SAMD9: variants seen among roughly 807,000 people sequenced by gnomAD.
The protein encoded by SAMD9 is sterile alpha motif domain-containing protein 9.
In SAMD9, 3 loss-of-function variants were observed where a neutral mutation model predicts 1.5. The observed-to-expected ratio is 2.05, with a 90% CI of 0.93 to 5.29. The LOEUF (loss-of-function observed/expected upper bound fraction) is 5.29. Ranked by LOEUF, SAMD9 falls within the 30% of genes most tolerant of loss-of-function variation. The pLI is 0.02. For synonymous variants in SAMD9, 635 were observed against 631.9 expected (o/e 1.00, Z -0.07); for missense variants, 1,597 against 1,820.8 (o/e 0.88, Z 2.24).
In SAMD9 at chr7:93,102,930, T is replaced by G; in HGVS notation, c.3168A>C (p.Glu1056Asp). The change falls in exon 3 of 3, where the codon GAA becomes GAC. Residue 1056 changes from glutamate (E) to aspartate (D), a missense_variant. Glu to Asp is a conservative substitution (Grantham distance 45, BLOSUM62 2). This residue lies in a region of SAMD9 where 682 missense variants were observed against 810.0 expected (regional missense o/e 0.84). Transcript: ENST00000379958. ...ETGNWFSPFI[E>D]ALHKDEGNEA... ...CATTTCCTTCATCTTTATGTAATGC[T>G]TCAATAAATGGGGAAAACCAATTTC... 6.2e-7 allele frequency: 1 copy of G among 1,613,932 alleles called. No individual in the cohort carries two copies. The highest frequency in any genetic ancestry group is 8.5e-7 in the Non-Finnish European group (1 of 1,179,844).
chr7:93,101,241 A>C lies in SAMD9; in HGVS notation c.*87T>G. 2.0e-6 allele frequency: 2 copies of C among 1,006,776 alleles called. No homozygotes were observed. Among genetic ancestry groups the C allele is most frequent in the Non-Finnish European group, 3.1e-6 (2 of 638,638 alleles). The allele number at this position is 1,006,776 out of a possible 1,614,324, so 62.4% of individuals were successfully genotyped here. On this transcript the variant is annotated 3_prime_UTR_variant, in exon 3 of 3. Transcript: ENST00000379958. ...TGAAGAGCTAGAGGCTGTATCTATA[A>C]CCTTGCCGGTTTAAAGCATAGATCT...
At position 93,105,016 on chromosome 7, in the gene SAMD9, G is replaced by A. The variant is rs1284159862; in HGVS notation, c.1082C>T (p.Ala361Val). The stretch of plus-strand genomic sequence containing the variant: ...CAGTGTTTTAAAATCTGCTTTAAAT[G>A]CTCTGAAATCAACTTTATTTTTCGT... ...DITKNKVDFRAFKADFKTLAE... is the reference protein window; with the variant it reads ...DITKNKVDFRVFKADFKTLAE... The change falls in exon 3 of 3, where the codon GCA (alanine) becomes GTA (valine). Residue 361 changes from alanine to valine, a missense_variant. Transcript: ENST00000379958. 1.2e-6 allele frequency: 2 copies of A among 1,613,578 alleles called. No individual in the cohort carries two copies. The highest frequency in any genetic ancestry group is 1.7e-5 in the Admixed American group (1 of 59,984).
rs1791561765 is a variant in SAMD9 at position 93,102,938 on chromosome 7, A to T, written c.3160T>A (p.Phe1054Ile). 6.2e-7 allele frequency: 1 copy of T among 1,613,810 alleles called. No homozygotes were observed. The highest frequency in any genetic ancestry group is 1.7e-5 in the Admixed American group (1 of 59,966). Reference protein sequence around the residue: ...EGETGNWFSPFIEALHKDEGN... With the variant: ...EGETGNWFSPIIEALHKDEGN... The stretch of plus-strand genomic sequence containing the variant: ...TCATCTTTATGTAATGCTTCAATAA[A>T]TGGGGAAAACCAATTTCCTGTTTCA... The change falls in exon 3 of 3, where the codon TTT becomes ATT. Residue 1054 changes from phenylalanine (F) to isoleucine (I), a missense_variant. Coordinates refer to ENST00000379958, the MANE Select transcript of SAMD9 (RefSeq NM_017654.4).
rs765018539 is a variant in SAMD9, at chr7:93,102,163, T to G, written c.3935A>C (p.Glu1312Ala). The G allele has an allele frequency of 9.3e-6, 15 of 1,613,638 alleles. No homozygotes were observed. The South Asian group carries it at 1.6e-4, about 18-fold the overall frequency. The stretch of plus-strand genomic sequence containing the variant: ...TCCAAGACCTGTGTTGTTTTGTGAT[T>G]CTTCTAAGAGACAAAATATATCTAC... ...KYVDIFCLLE[E>A]SQNNTGLGSK... The change falls in exon 3 of 3, where the codon GAA becomes GCA. Residue 1312 changes from glutamate to alanine, a missense_variant. By Grantham distance (107) the Glu-to-Ala change is moderately radical. Transcript: ENST00000379958.
chr7:93,115,245 A>G lies in SAMD9; in HGVS notation c.-109-350T>C, dbSNP rs148866935. Among the ~76,000 whole-genome samples, 682 of 152,362 alleles carry G rather than the reference A, an allele frequency of 4.5e-3. 5 individuals carry two copies. Among genetic ancestry groups the G allele is most frequent in the African/African-American group, 0.016 (648 of 41,582 alleles). On this transcript the variant is annotated intron_variant, in intron 1 of 2. Transcript: ENST00000379958. ...CTGTTAATGCCAAATGTTGGTGATGATGTGGAGTCAGTGGAGCTCTCATAT... is the reference window on the plus strand; with the variant it reads ...CTGTTAATGCCAAATGTTGGTGATGGTGTGGAGTCAGTGGAGCTCTCATAT...
In SAMD9 at chr7:93,105,108, G is replaced by T; in HGVS notation, c.990C>A (p.Asn330Lys). ...YFQIKMQNYN[N>K]KIWEQSKKFS... ...ATTTTTTACTTTGTTCCCATATTTT[G>T]TTGTTGTAATTTTGCATTTTAATCT... Residue 330 changes from asparagine to lysine, a missense_variant, in exon 3 of 3, where the codon AAC becomes AAA. Transcript: ENST00000379958. The T allele has an allele frequency of 2.5e-6, 4 of 1,613,732 alleles. No homozygotes were observed. The highest frequency in any genetic ancestry group is 3.4e-6 in the Non-Finnish European group (4 of 1,179,868).
chr7:93,100,564 C>T lies in SAMD9; in HGVS notation c.*764G>A, dbSNP rs1791510414. 1 of 152,044 alleles carries T rather than the reference C, an allele frequency of 6.6e-6. No homozygotes were observed. Among genetic ancestry groups the T allele is most frequent in the African/African-American group, 2.4e-5 (1 of 41,410 alleles). 9.4% of individuals were successfully genotyped at this position (152,044 alleles called of 1,614,324 possible). On this transcript the variant is annotated 3_prime_UTR_variant, in exon 3 of 3. Coordinates refer to ENST00000379958, the MANE Select transcript of SAMD9 (RefSeq NM_017654.4). ...AAACATAGGTTGTATGTTAATCTGC[C>T]AGTACATTGGCATCTTCTGGATGAG...
intron 2 of SAMD9, among the ~76,000 whole-genome samples, chr7:93,114,384 C>G (rs180979250): frequency 1.3e-5 from 2 of 152,110 alleles, no homozygotes; most frequent in African/African-American, 4.8e-5. Context: ...ACCAACATGG[C>G]ACATGTATAC....
rs1205814000 is a variant in SAMD9, at chr7:93,111,219, C to T, written c.-9+3576G>A. ...TCCTGAATGACTACTGGGTACATAACGAAATGAAGGCAGAAATAAAGATGT... is the reference window on the plus strand; with the variant it reads ...TCCTGAATGACTACTGGGTACATAATGAAATGAAGGCAGAAATAAAGATGT... On this transcript the variant is annotated intron_variant, in intron 2 of 2. Coordinates refer to ENST00000379958, the MANE Select transcript of SAMD9 (RefSeq NM_017654.4). 1.4e-4 allele frequency among the ~76,000 whole-genome samples: 22 copies of T among 152,122 alleles called. No homozygotes were observed. The East Asian group carries it at 2.7e-3, about 19-fold the overall frequency.
Position 93,101,620 on chromosome 7 carries a change from A to G in SAMD9, c.4478T>C (p.Val1493Ala). The G allele has an allele frequency of 1.2e-6, 2 of 1,613,908 alleles. No individual in the cohort carries two copies. The highest frequency in any genetic ancestry group is 1.7e-6 in the Non-Finnish European group (2 of 1,179,836). Reference protein sequence around the residue: ...LGKGKRLERLVHKGKIDQCFK... With the variant: ...LGKGKRLERLAHKGKIDQCFK... ...GCACTGGTCAATTTTTCCTTTGTGA[A>G]CAAGTCTTTCCAGTCTTTTACCTTT... The change falls in exon 3 of 3, where the codon GTT (valine) becomes GCT (alanine). Residue 1493 changes from valine to alanine, a missense_variant. By Grantham distance (64) the Val-to-Ala change is moderately conservative. Transcript: ENST00000379958.
At chr7:93,115,562 A>G (rs1456341903) in intron 1 of SAMD9, among the ~76,000 whole-genome samples, 4 of 152,212 alleles carry the variant, frequency 2.6e-5, no homozygotes, top group Admixed American at 2.6e-4. Context: ...GGTGATGGAA[A>G]TATTTTATAT....
Position 93,112,492 on chromosome 7 carries a change from G to T in SAMD9, c.-9+2303C>A, listed in dbSNP as rs957936173. Among the ~76,000 whole-genome samples the T allele has an allele frequency of 2.0e-5, 3 of 152,138 alleles. 1 individual carries two copies. Among genetic ancestry groups the T allele is most frequent in the South Asian group, 4.1e-4 (2 of 4,832 alleles). On this transcript the variant is annotated intron_variant, in intron 2 of 2. Transcript: ENST00000379958. ...AGGATAAAGAAATAAAGAGTATTCA[G>T]TTAGGAAAAGAGGAAGTCAAATTGT...
rs1791602116 is a variant in SAMD9, at chr7:93,104,783, C to T, written c.1315G>A (p.Val439Ile). 2 of 1,613,714 alleles carry T rather than the reference C, an allele frequency of 1.2e-6. No individual in the cohort carries two copies. Among genetic ancestry groups the T allele is most frequent in the Non-Finnish European group, 1.7e-6 (2 of 1,179,876 alleles). ...DFLKEIKWFA[V>I]LEFDPESNIN... Reference sequence around the variant, plus strand: ...TTAGACTCAGGATCAAACTCCAATACAGCAAACCATTTAATTTCCTTCAGG... The same window carrying T: ...TTAGACTCAGGATCAAACTCCAATATAGCAAACCATTTAATTTCCTTCAGG... Residue 439 changes from valine (V) to isoleucine (I), a missense_variant, in exon 3 of 3, where the codon GTA becomes ATA. Physicochemically the swap from Val to Ile is conservative, Grantham distance 29. Coordinates refer to ENST00000379958, the MANE Select transcript of SAMD9 (RefSeq NM_017654.4).
chr7:93,111,497 A>C (rs1225923482), intron 2 of SAMD9, among the ~76,000 whole-genome samples: 1 of 152,026 alleles, frequency 6.6e-6, no homozygotes, highest in Non-Finnish European at 1.5e-5. Flanking sequence ...AAAACCCTTC[A>C]AAAAAATCAA....
chr7:93,106,017 C>A lies in SAMD9; in HGVS notation c.81G>T (p.Lys27Asn). 1 of 1,594,576 alleles carries A rather than the reference C, an allele frequency of 6.3e-7. No individual in the cohort carries two copies. Among genetic ancestry groups the A allele is most frequent in the Middle Eastern group, 1.7e-4 (1 of 5,932 alleles). The change falls in exon 3 of 3, where the codon AAG becomes AAT. Residue 27 changes from lysine (K) to asparagine (N), a missense_variant. This residue lies in a region of SAMD9 where 498 missense variants were observed against 457.4 expected (regional missense o/e 1.09). Transcript: ENST00000379958. The stretch of plus-strand genomic sequence containing the variant: ...AAATTTCCCTGTGTTTTTGGTCAAT[C>A]TTATGACTTTCTAACCACTGATTTA... The part of the protein sequence containing the change: ...EDVNQWLESH[K>N]IDQKHREILT...
rs148617088 is a variant in SAMD9, at chr7:93,106,001, T to C, written c.97A>G (p.Arg33Gly). 17 of 1,592,610 alleles carry C rather than the reference T, an allele frequency of 1.1e-5. No individual in the cohort carries two copies. In the East Asian group the frequency reaches 3.6e-4, roughly 34 times the overall value. Residue 33 changes from arginine to glycine, a missense_variant, in exon 3 of 3, where the codon AGG becomes GGG. Arg to Gly is a moderately radical substitution (Grantham distance 125). Around this residue, in one of 6 missense-constraint regions of SAMD9, gnomAD observed 498 missense variants for 457.4 expected, o/e 1.09. Coordinates refer to ENST00000379958, the MANE Select transcript of SAMD9 (RefSeq NM_017654.4). Reference protein sequence around the residue: ...LESHKIDQKHREILTEQDVNG... With the variant: ...LESHKIDQKHGEILTEQDVNG... ...ACGTCTTGTTCAGTCAAAATTTCCC[T>C]GTGTTTTTGGTCAATCTTATGACTT... is the stretch of plus-strand genomic sequence containing the variant.
intron 2 of SAMD9, among the ~76,000 whole-genome samples, chr7:93,109,897 A>C (rs1562778011): frequency 6.6e-6 from 1 of 152,242 alleles, no homozygotes; most frequent in Non-Finnish European, 1.5e-5. Flanking sequence ...GATATTATCC[A>C]GGAGAACTTC....
rs534555102 is a variant in SAMD9 at position 93,106,009 on chromosome 7, T to C, written c.89A>G (p.Gln30Arg). The change falls in exon 3 of 3, where the codon CAA becomes CGA. Residue 30 changes from glutamine to arginine, a missense_variant. By Grantham distance (43) the Gln-to-Arg change is conservative. Around this residue, in one of 6 missense-constraint regions of SAMD9, gnomAD observed 498 missense variants for 457.4 expected, o/e 1.09. Coordinates refer to ENST00000379958, the MANE Select transcript of SAMD9 (RefSeq NM_017654.4). ...TTCAGTCAAAATTTCCCTGTGTTTT[T>C]GGTCAATCTTATGACTTTCTAACCA... ...NQWLESHKID[Q>R]KHREILTEQD... 6.3e-6 allele frequency: 10 copies of C among 1,592,936 alleles called. No homozygotes were observed. The highest frequency in any genetic ancestry group is 5.4e-5 in the African/African-American group (4 of 73,722).
rs936851716 is a variant in SAMD9 at position 93,117,889 on chromosome 7, A to C, written c.-136T>G. ...CAGTAGTCTTGCAAATTTCTTTTAC[A>C]TATATGTGGGGAAAACCATCTCTTT... On this transcript the variant is annotated 5_prime_UTR_variant, in exon 1 of 3. An upstream start codon of the reference 5' UTR is lost. Coordinates refer to ENST00000379958, the MANE Select transcript of SAMD9 (RefSeq NM_017654.4). The C allele has an allele frequency of 2.0e-5, 3 of 152,208 alleles. No individual in the cohort carries two copies. The South Asian group carries it at 6.2e-4, about 31-fold the overall frequency. The allele number at this position is 152,208 out of a possible 1,614,324, so 9.4% of individuals were successfully genotyped here.
Sources: allele counts gnomAD v4.1 joint callset (sites outside exome capture counted in the v4.1 genomes callset), GRCh38; gene constraint gnomAD v4.1.1; regional missense constraint gnomAD v4.1.1; transcripts MANE v1.5; gene names NCBI Gene and HGNC (gene_info 2026-07-23, HGNC 2026-07-21).